Variants in TUSC3 observed in about 807,000 individuals in gnomAD.
TUSC3 encodes dolichyl-diphosphooligosaccharide--protein glycosyltransferase subunit TUSC3.
Under a neutral mutation model 44.8 loss-of-function variants are expected in TUSC3, and 45 were observed. The observed-to-expected ratio is 1.00, with a 90% CI of 0.79 to 1.29. TUSC3 has a LOEUF of 1.29. Among genes scored for constraint, TUSC3 ranks in the 50% most tolerant of loss-of-function variants. TUSC3 has a pLI of 0.00. For missense variants in TUSC3, 519 were observed against 437.9 expected (o/e 1.19, Z -1.65); for synonymous variants, 212 against 152.9 (o/e 1.39, Z -2.85).
chr8:15,510,467 G>T (rs536361189), intron 2 of TUSC3, among the ~76,000 whole-genome samples: 1 of 144,414 alleles, frequency 6.9e-6, no homozygotes, highest in African/African-American at 2.9e-5. Context: ...ATATATAAAT[G>T]CATGCAGTAA....
chr8:15,517,999 T>C (rs1266648784), intron 2 of TUSC3, among the ~76,000 whole-genome samples: 7 of 148,262 alleles, frequency 4.7e-5, no homozygotes, highest in African/African-American at 1.2e-4. Flanking sequence ...AAAACCCCCA[T>C]ACACATTCGC....
intron 6 of TUSC3, among the ~76,000 whole-genome samples, chr8:15,712,599 C>G (rs1043994960): frequency 2.6e-5 from 4 of 152,072 alleles, no homozygotes; most frequent in African/African-American, 4.8e-5. Context: ...ATTTCCTTCT[C>G]TAGAATCTCA....
At position 15,495,423 on chromosome 8, in the gene TUSC3, G is replaced by A. The variant is rs145464876; in HGVS notation, n.189+11940G>A. On this transcript the variant is annotated intron_variant and non_coding_transcript_variant, in intron 2 of 5. Coordinates refer to the TUSC3 transcript ENST00000503191. Reference sequence around the variant, plus strand: ...AAAACCGTGGAAATGACCTTCAGGTGAGTTCACATACCCAGTGAACCCACT... The same window carrying A: ...AAAACCGTGGAAATGACCTTCAGGTAAGTTCACATACCCAGTGAACCCACT... Among the ~76,000 whole-genome samples the A allele has an allele frequency of 2.4e-3, 369 of 152,222 alleles. 4 individuals are homozygous for A. The highest frequency in any genetic ancestry group is 8.4e-3 in the African/African-American group (348 of 41,514).
chr8:15,711,020 A>G (rs1809823414), intron 6 of TUSC3, among the ~76,000 whole-genome samples: 1 of 151,702 alleles, frequency 6.6e-6, no homozygotes, highest in South Asian at 2.1e-4. Context: ...AGTCTTATGT[A>G]TAGTAAATTA....
intron 1 of TUSC3, among the ~76,000 whole-genome samples, chr8:15,613,186 G>T (rs1382530896): frequency 6.7e-6 from 1 of 150,270 alleles, no homozygotes; most frequent in African/African-American, 2.4e-5. Flanking sequence ...TGTCTTATTT[G>T]TGCCAAATTT....
intron 2 of TUSC3, among the ~76,000 whole-genome samples, chr8:15,499,005 A>G (rs775213452): frequency 6.6e-6 from 1 of 151,676 alleles, no homozygotes; most frequent in Non-Finnish European, 1.5e-5. Context: ...GTAGGTAGTT[A>G]TTTTTTTCTT....
intron 2 of TUSC3, among the ~76,000 whole-genome samples, chr8:15,489,167 A>G (rs150207708): frequency 6.6e-5 from 10 of 152,334 alleles, no homozygotes; most frequent in African/African-American, 2.4e-4. Flanking sequence ...CCAGGTATGC[A>G]TCAGTCAATA....
At chr8:15,740,701 T>G (rs1353439493) in intron 7 of TUSC3, among the ~76,000 whole-genome samples, 2 of 152,186 alleles carry the variant, frequency 1.3e-5, no homozygotes, top group South Asian at 4.1e-4. Context: ...CTAACATTGC[T>G]CATTTTAGAG....
intron 2 of TUSC3, among the ~76,000 whole-genome samples, chr8:15,527,382 A>G (rs976916173): frequency 6.6e-6 from 1 of 152,044 alleles, no homozygotes; most frequent in Non-Finnish European, 1.5e-5. Context: ...ACACCCAGCT[A>G]ATTTTTATAT....
intron 7 of TUSC3, among the ~76,000 whole-genome samples, chr8:15,742,951 C>A (rs1371806708): frequency 6.6e-6 from 1 of 152,166 alleles, no homozygotes; most frequent in Non-Finnish European, 1.5e-5. Context: ...ATTTTGTGAT[C>A]TCATTCTTAA....
intron 1 of TUSC3, among the ~76,000 whole-genome samples, chr8:15,470,260 A>G (rs1387661597): frequency 1.6e-5 from 2 of 128,248 alleles, no homozygotes; most frequent in African/African-American, 2.7e-5. Context: ...CCCTGTCTCA[A>G]AAAAAAAAAA....
chr8:15,763,871 C>G (rs1016823894), intron 10 of TUSC3, among the ~76,000 whole-genome samples: 2 of 151,850 alleles, frequency 1.3e-5, no homozygotes, highest in Admixed American at 6.6e-5. Flanking sequence ...TGTTTCAGTC[C>G]ATTCCCTTGT....
chr8:15,754,355 A>G (rs531188925), intron 9 of TUSC3, among the ~76,000 whole-genome samples: 4 of 152,144 alleles, frequency 2.6e-5, no homozygotes, highest in Admixed American at 2.6e-4. Flanking sequence ...AAGTAGGCTG[A>G]CAAGAGGAGA....
chr8:15,815,717 C>G, the TUSC3 span, among the ~76,000 whole-genome samples: 2 of 152,068 alleles, frequency 1.3e-5, no homozygotes, highest in African/African-American at 4.8e-5. Context: ...CTCTTCTTTT[C>G]TTGTCCTTTG....
At chr8:15,692,764 T>C (rs932297130) in intron 6 of TUSC3, among the ~76,000 whole-genome samples, 2 of 152,102 alleles carry the variant, frequency 1.3e-5, no homozygotes, top group Admixed American at 6.5e-5. Context: ...GTCTAGCTAG[T>C]GGTCAATTTA....
chr8:15,809,801 C>A, the TUSC3 span, among the ~76,000 whole-genome samples: 1 of 152,314 alleles, frequency 6.6e-6, no homozygotes, highest in African/African-American at 2.4e-5. Flanking sequence ...CTTAACAGTT[C>A]TCAACATTTG....
At chr8:15,433,742 T>C (rs1799909057) in intron 1 of TUSC3, among the ~76,000 whole-genome samples, 1 of 152,210 alleles carries the variant, frequency 6.6e-6, no homozygotes, top group Admixed American at 6.5e-5. Flanking sequence ...GTGTTTTTGA[T>C]GTTAATTCAC....
At chr8:15,655,908 T>A (rs1366069835) in intron 3 of TUSC3, among the ~76,000 whole-genome samples, 1 of 152,078 alleles carries the variant, frequency 6.6e-6, no homozygotes, top group Non-Finnish European at 1.5e-5. Flanking sequence ...TCTGTAGAAA[T>A]AATTAAAAGT....
intron 1 of TUSC3, among the ~76,000 whole-genome samples, chr8:15,598,818 C>T (rs183388778): frequency 1.1e-3 from 161 of 151,510 alleles, no homozygotes; most frequent in Non-Finnish European, 1.8e-3. Flanking sequence ...TCTGGATGTA[C>T]CAGTTTATTT....
Sources: allele counts gnomAD v4.1 joint callset (sites outside exome capture counted in the v4.1 genomes callset), GRCh38; gene constraint gnomAD v4.1.1; transcripts MANE v1.5; gene names NCBI Gene and HGNC (gene_info 2026-07-23, HGNC 2026-07-21).